Variants in CDK17 observed in about 807,000 individuals in gnomAD.
CDK17 encodes the protein cyclin-dependent kinase 17.
Under a neutral mutation model 77.6 loss-of-function variants are expected in CDK17, and 24 were observed. The observed-to-expected ratio is 0.31, with a 90% confidence interval of 0.22 to 0.44. The LOEUF (loss-of-function observed/expected upper bound fraction) is 0.44, where lower values mean the gene tolerates loss of function less well. Ranked by LOEUF, CDK17 falls within the 20% of genes least tolerant of loss-of-function variation. CDK17 has a pLI of 1.00. For synonymous variants in CDK17, 203 were observed against 210.4 expected, an observed-to-expected ratio of 0.96 and a Z score of 0.30; for missense variants, 429 against 622.5, an observed-to-expected ratio of 0.69 and a Z score of 3.31.
At chr12:96,358,888 T>C (rs1331373745) in intron 1 of CDK17, among the ~76,000 whole-genome samples, 5 of 115,352 alleles carry the variant, frequency 4.3e-5, no homozygotes, top group Non-Finnish European at 8.1e-5. Flanking sequence ...ATGGCTAGAG[T>C]CAAAAGAGTG....
chr12:96,386,742 T>A (rs1177635464), intron 1 of CDK17: 1 of 152,244 alleles, frequency 6.6e-6, no homozygotes, highest in African/African-American at 2.4e-5. Flanking sequence ...TAGAAAAAAA[T>A]TTAAAAATAA....
At chr12:96,301,073 C>T (rs1318134830) in intron 5 of CDK17, among the ~76,000 whole-genome samples, 1 of 151,930 alleles carries the variant, frequency 6.6e-6, no homozygotes, top group African/African-American at 2.4e-5. Flanking sequence ...AATCTGAATT[C>T]CCAAGGAAGT....
rs1953020248 is a variant in CDK17 at position 96,334,839 on chromosome 12, T to TATCA, written c.-7_-4dup. Reference sequence around the variant, plus strand: ...AGCCTTCTCTTAAATTTTTTCATCCTATCAATTGAATGTGGCTTGAAAAAT... The same window carrying TATCA: ...AGCCTTCTCTTAAATTTTTTCATCCTATCAATCAATTGAATGTGGCTTGAAAAAT... On this transcript the variant is annotated 5_prime_UTR_variant, in exon 2 of 17. Transcript: ENST00000261211. 2 of 1,473,492 alleles carry TATCA rather than the reference T, an allele frequency of 1.4e-6. No individual in the cohort carries two copies. The highest frequency in any genetic ancestry group is 2.8e-5 in the African/African-American group (2 of 72,304). The allele number at this position is 1,473,492 out of a possible 1,614,324, so 91.3% of individuals were successfully genotyped here.
chr12:96,337,991 G>A (rs558959637), intron 1 of CDK17, among the ~76,000 whole-genome samples: 2 of 152,272 alleles, frequency 1.3e-5, no homozygotes, highest in Non-Finnish European at 2.9e-5. Context: ...GATCATATCA[G>A]GTAATCTATA....
chr12:96,299,000 T>A lies in CDK17; in HGVS notation c.601-17A>T. 1.6e-6 allele frequency: 2 copies of A among 1,227,900 alleles called. No homozygotes were observed. Among genetic ancestry groups the A allele is most frequent in the Non-Finnish European group, 2.4e-6 (2 of 842,652 alleles). The allele number at this position is 1,227,900 out of a possible 1,614,324, so 76.1% of individuals were successfully genotyped here. Reference sequence around the variant, plus strand: ...ATATGTACCCTATAAAATATATTTTTAAAGGACGCATCAAAAGTATCATAA... The same window carrying A: ...ATATGTACCCTATAAAATATATTTTAAAAGGACGCATCAAAAGTATCATAA... On this transcript the variant is annotated splice_polypyrimidine_tract_variant and intron_variant, in intron 6 of 16. Transcript: ENST00000261211.
At chr12:96,395,115 C>T (rs541227378) in intron 1 of CDK17, among the ~76,000 whole-genome samples, 1 of 152,308 alleles carries the variant, frequency 6.6e-6, no homozygotes, top group East Asian at 1.9e-4. Flanking sequence ...ACCTTGTGAT[C>T]TGCCCGGCTC....
chr12:96,313,192 C>A, intron 4 of CDK17, 129 bp downstream of exon 4: 1 of 560,430 alleles, frequency 1.8e-6, no homozygotes. Context: ...AAAGAAGTAA[C>A]TTTCTTACAA....
rs918176454 is a variant in CDK17 at position 96,279,604 on chromosome 12, A to C, written c.*638T>G. ...GAGATCCTCAAAATGTCAGGGATTC[A>C]CTTGCTTGAATCAACTTCTGCATCA... On this transcript the variant is annotated 3_prime_UTR_variant, in exon 17 of 17. Coordinates refer to ENST00000261211, the MANE Select transcript of CDK17 (RefSeq NM_002595.5). 2.6e-5 allele frequency: 4 copies of C among 152,310 alleles called. No individual in the cohort carries two copies. Among genetic ancestry groups the C allele is most frequent in the Non-Finnish European group, 5.9e-5 (4 of 68,028 alleles). 9.4% of individuals were successfully genotyped at this position (152,310 alleles called of 1,614,324 possible).
chr12:96,308,918 G>T (rs1011533571), intron 5 of CDK17, among the ~76,000 whole-genome samples: 5 of 151,806 alleles, frequency 3.3e-5, no homozygotes, highest in Admixed American at 2.0e-4. Flanking sequence ...CCATCTGATT[G>T]CCACATCATC....
intron 7 of CDK17, among the ~76,000 whole-genome samples, chr12:96,298,270 G>C (rs1255788909): frequency 2.0e-5 from 3 of 150,728 alleles, no homozygotes; most frequent in African/African-American, 7.3e-5. Flanking sequence ...CTGGGCAACA[G>C]AGCCAGACTC....
chr12:96,398,878 G>C (rs1267332015), intron 1 of CDK17, among the ~76,000 whole-genome samples: 4 of 152,192 alleles, frequency 2.6e-5, no homozygotes, highest in African/African-American at 9.6e-5. Context: ...ACATATTCAT[G>C]TAAAGGAGGC....
intron 1 of CDK17, among the ~76,000 whole-genome samples, chr12:96,367,562 A>G (rs1427979459): frequency 6.6e-6 from 1 of 152,128 alleles, no homozygotes; most frequent in Non-Finnish European, 1.5e-5. Context: ...GGGAGAAAAG[A>G]GTACAATTAC....
chr12:96,361,136 C>A (rs1953487065), intron 1 of CDK17, among the ~76,000 whole-genome samples: 1 of 152,108 alleles, frequency 6.6e-6, no homozygotes, highest in Non-Finnish European at 1.5e-5. Flanking sequence ...GAGCGGGGAA[C>A]CCTGCAAAGC....
At chr12:96,330,882 G>A (rs561131421) in intron 2 of CDK17, among the ~76,000 whole-genome samples, 13 of 152,206 alleles carry the variant, frequency 8.5e-5, no homozygotes, top group Admixed American at 3.3e-4. Context: ...AGAATTGTTG[G>A]GTCATATAGT....
intron 1 of CDK17, among the ~76,000 whole-genome samples, chr12:96,346,035 T>C (rs1217056981): frequency 6.6e-6 from 1 of 152,212 alleles, no homozygotes; most frequent in Non-Finnish European, 1.5e-5. Flanking sequence ...AAATGCTGTC[T>C]ATAAGAGACC....
intron 1 of CDK17, among the ~76,000 whole-genome samples, chr12:96,393,883 T>C (rs1435374028): frequency 6.6e-6 from 1 of 152,148 alleles, no homozygotes; most frequent in Non-Finnish European, 1.5e-5. Flanking sequence ...AAAACACATA[T>C]TAACTAATTT....
intron 1 of CDK17, among the ~76,000 whole-genome samples, chr12:96,388,212 C>T (rs1565847580): frequency 6.6e-6 from 1 of 152,104 alleles, no homozygotes; most frequent in Non-Finnish European, 1.5e-5. Context: ...TGATAAAGCA[C>T]AGGCCTAAAC....
chr12:96,343,201 A>T (rs535204403), intron 1 of CDK17, among the ~76,000 whole-genome samples: 8 of 152,350 alleles, frequency 5.3e-5, no homozygotes, highest in African/African-American at 1.9e-4. Context: ...AACTGGAAAA[A>T]CAACAAGAAT....
At chr12:96,356,799 T>TA (rs1466943373) in intron 1 of CDK17, among the ~76,000 whole-genome samples, 1 of 152,250 alleles carries the variant, frequency 6.6e-6, no homozygotes, top group African/African-American at 2.4e-5. Context: ...TTTCACAAGA[T>TA]AATATTTTTC....
Sources: allele counts gnomAD v4.1 joint callset (sites outside exome capture counted in the v4.1 genomes callset), GRCh38; gene constraint gnomAD v4.1.1; transcripts MANE v1.5; gene names NCBI Gene and HGNC (gene_info 2026-07-23, HGNC 2026-07-21).